MYO1G: variants seen among roughly 807,000 people sequenced by gnomAD.
The protein encoded by MYO1G is unconventional myosin-Ig.
In MYO1G, 65 loss-of-function variants were observed where a neutral mutation model predicts 115.3. The observed-to-expected ratio is 0.56, with a 90% CI of 0.46 to 0.69. The LOEUF is 0.69. Among genes scored for constraint, MYO1G ranks in the 30% least tolerant of loss-of-function variants. The pLI, the probability that MYO1G is intolerant of heterozygous loss-of-function variation, is 0.00. For synonymous variants in MYO1G, 510 were observed against 552.6 expected (o/e 0.92, Z 1.08); for missense variants, 1,204 against 1,393.5 (o/e 0.86, Z 2.16).
rs1222274484 is a variant in MYO1G at position 44,978,840 on chromosome 7, A to G, written c.95+27T>C. 2.5e-6 allele frequency: 4 copies of G among 1,597,036 alleles called. No individual in the cohort carries two copies. The South Asian group carries it at 4.4e-5, about 18-fold the overall frequency. ...AAGGTGGGAGACCCTGGAGGAGGGG[A>G]GCCACTGCCTCCTGCCCTGGGCCTA... On this transcript the variant is annotated intron_variant, in intron 1 of 21. Coordinates refer to ENST00000258787, the MANE Select transcript of MYO1G (RefSeq NM_033054.3).
rs1392886286 is a variant in MYO1G at position 44,964,331 on chromosome 7, C to G, written c.2631+84G>C. 3.5e-6 allele frequency: 5 copies of G among 1,442,576 alleles called. No individual in the cohort carries two copies. The highest frequency in any genetic ancestry group is 3.6e-4 in the Middle Eastern group (2 of 5,512). The allele number at this position is 1,442,576 out of a possible 1,614,324, so 89.4% of individuals were successfully genotyped here. On this transcript the variant is annotated intron_variant, in intron 19 of 21. Coordinates refer to ENST00000258787, the MANE Select transcript of MYO1G (RefSeq NM_033054.3). This position sits in a 1 kb window ranked among gnomAD's most constrained non-coding sequence, Gnocchi z 5.1. ...CTCCATTTTCTCCCAAGTGCCCCCC[C>G]AAAACTCTGCACCAGCTTCTAACCT...
chr7:44,975,792 G>A (rs1236027486), intron 3 of MYO1G, 143 bp from the exon 4 acceptor site: 1 of 932,870 alleles, frequency 1.1e-6, no homozygotes, highest in African/African-American at 1.7e-5. Context: ...CAATGGCCTG[G>A]CCTCGCCCAG....
Position 44,976,576 on chromosome 7 carries a change from G to A in MYO1G, c.386C>T (p.Ala129Val), listed in dbSNP as rs1795052803. 1 of 1,614,070 alleles carries A rather than the reference G, an allele frequency of 6.2e-7. No homozygotes were observed. The highest frequency in any genetic ancestry group is 1.1e-5 in the South Asian group (1 of 91,080). Residue 129 changes from alanine to valine, a missense_variant, in exon 3 of 22, where the codon GCT becomes GTT. Physicochemically the swap from Ala to Val is moderately conservative, Grantham distance 64 (BLOSUM62 0). Coordinates refer to ENST00000258787, the MANE Select transcript of MYO1G (RefSeq NM_033054.3). ...IAAVTNPSQR[A>V]EVERVKDVLL... ...CATTGCCACTCACCTCTCCACCTCA[G>A]CCCTCTGGCTTGGATTGGTGACAGC...
intron 17 of MYO1G, 137 bp downstream of exon 17, chr7:44,965,500 G>T: frequency 1.2e-6 from 1 of 803,998 alleles, no homozygotes; most frequent in Non-Finnish European, 2.0e-6. Context: ...GTCAGCTAAT[G>T]TGGCATAGCA....
intron 8 of MYO1G, 46 bp downstream of exon 8, chr7:44,970,789 A>C (rs941753545): frequency 1.9e-6 from 3 of 1,613,470 alleles, no homozygotes; most frequent in Non-Finnish European, 2.5e-6. Context: ...GGCCTCCCCC[A>C]TGAAGGCCTC....
At chr7:44,970,540 G>T in intron 9 of MYO1G, 52 bp downstream of exon 9, 1 of 1,608,118 alleles carries the variant, frequency 6.2e-7, no homozygotes, top group Non-Finnish European at 8.5e-7. Flanking sequence ...AGAACTAAGT[G>T]GGCAAAGCTG....
chr7:44,962,936 G>A lies in MYO1G; in HGVS notation c.2900+34C>T, dbSNP rs1450879121. The A allele has an allele frequency of 4.0e-6, 6 of 1,505,106 alleles. No homozygotes were observed. The East Asian group carries it at 1.3e-4, about 33-fold the overall frequency. 93.2% of individuals were successfully genotyped at this position (1,505,106 alleles called of 1,614,324 possible). A position where few individuals can be genotyped will look rare whatever the true frequency, so the allele number is the denominator to read the frequency against. ...GGGTCAGGGCGGCCACGCGGCCGGG[G>A]CTTCGTGCCCGCTACCGCCCAGCCT... On this transcript the variant is annotated intron_variant, in intron 21 of 21. Transcript: ENST00000258787. This position sits in a 1 kb window ranked among gnomAD's most constrained non-coding sequence, Gnocchi z 5.3.
chr7:44,970,470 C>T (rs567654709), intron 9 of MYO1G, 122 bp downstream of exon 9: 57 of 1,352,106 alleles, frequency 4.2e-5, no homozygotes, highest in Admixed American at 2.1e-5. Flanking sequence ...AGCCTTGGGC[C>T]CAGGGACCAG....
In MYO1G at chr7:44,966,333, A is replaced by G. The variant is rs1794843894; in HGVS notation, c.1950-53T>C. The G allele has an allele frequency of 1.3e-6, 2 of 1,490,474 alleles. No individual in the cohort carries two copies. The highest frequency in any genetic ancestry group is 1.2e-5 in the South Asian group (1 of 82,646). The allele number at this position is 1,490,474 out of a possible 1,614,324, so 92.3% of individuals were successfully genotyped here. On this transcript the variant is annotated intron_variant, in intron 15 of 21. Coordinates refer to ENST00000258787, the MANE Select transcript of MYO1G (RefSeq NM_033054.3). This position sits in a 1 kb window ranked among gnomAD's most constrained non-coding sequence, Gnocchi z 5.0. ...CCCAGGCCTGGGGGAGAGATGATGG[A>G]GCCCACCCTGCCCACCCCACACCTG...
At position 44,963,935 on chromosome 7, in the gene MYO1G, G is replaced by T; in HGVS notation, c.2745+114C>A. On this transcript the variant is annotated intron_variant, in intron 20 of 21. Coordinates refer to ENST00000258787, the MANE Select transcript of MYO1G (RefSeq NM_033054.3). The surrounding 1 kb of genome is among the most constrained non-coding windows in gnomAD (Gnocchi z 4.1). ...GGGTGCCACCATCGCTGAGTTTTAG[G>T]ATGGTCTGGGCCATCTCAGGTAAAC... 2.3e-6 allele frequency: 2 copies of T among 862,476 alleles called. No individual in the cohort carries two copies. Among genetic ancestry groups the T allele is most frequent in the Non-Finnish European group, 3.7e-6 (2 of 547,282 alleles). The allele number at this position is 862,476 out of a possible 1,614,324, so 53.4% of individuals were successfully genotyped here.
chr7:44,965,904 A>G, intron 16 of MYO1G, 44 bp from the exon 17 acceptor site: 3 of 1,585,062 alleles, frequency 1.9e-6, no homozygotes, highest in Non-Finnish European at 8.6e-7. Flanking sequence ...AAATTCAATC[A>G]GGCCCTAACC....
In MYO1G at chr7:44,962,930, G is replaced by A. The variant is rs1468847391; in HGVS notation, c.2901-35C>T. 1 of 1,502,494 alleles carries A rather than the reference G, an allele frequency of 6.7e-7. No individual in the cohort carries two copies. The highest frequency in any genetic ancestry group is 1.3e-5 in the South Asian group (1 of 79,128). The allele number at this position is 1,502,494 out of a possible 1,614,324, so 93.1% of individuals were successfully genotyped here. ...GAGGAGGGGTCAGGGCGGCCACGCG[G>A]CCGGGGCTTCGTGCCCGCTACCGCC... On this transcript the variant is annotated intron_variant, in intron 21 of 21. Coordinates refer to ENST00000258787, the MANE Select transcript of MYO1G (RefSeq NM_033054.3). The surrounding 1 kb of genome is among the most constrained non-coding windows in gnomAD (Gnocchi z 5.3).
chr7:44,971,997 C>T (rs563614371), intron 6 of MYO1G, 118 bp downstream of exon 6: 18 of 873,246 alleles, frequency 2.1e-5, no homozygotes, highest in Non-Finnish European at 3.2e-5. Flanking sequence ...GCACCCTCCC[C>T]ACTCACGCAA....
chr7:44,969,702 C>T lies in MYO1G; in HGVS notation c.1503+3G>A, dbSNP rs745447604. The T allele has an allele frequency of 1.6e-5, 25 of 1,610,946 alleles. No individual in the cohort carries two copies. Among genetic ancestry groups the T allele is most frequent in the Middle Eastern group, 4.3e-4 (2 of 4,704 alleles). On this transcript the variant is annotated splice_donor_region_variant and intron_variant, in intron 11 of 21. Transcript: ENST00000258787. The surrounding 1 kb of genome is among the most constrained non-coding windows in gnomAD (Gnocchi z 5.0). ...GTGGTGGCACTGGGACAGCCGGGGG[C>T]ACCTGGCGGCTGGTGTAGTGTAGGT...
At position 44,969,667 on chromosome 7, in the gene MYO1G, C is replaced by A. The variant is rs749057479; in HGVS notation, c.1503+38G>T. ...CATGGTGCCTGTGGGGCAGGTCCCACCAGCCCACTGTGGTGGCACTGGGAC... is the reference window on the plus strand; with the variant it reads ...CATGGTGCCTGTGGGGCAGGTCCCAACAGCCCACTGTGGTGGCACTGGGAC... On this transcript the variant is annotated intron_variant, in intron 11 of 21. Coordinates refer to ENST00000258787, the MANE Select transcript of MYO1G (RefSeq NM_033054.3). This position sits in a 1 kb window ranked among gnomAD's most constrained non-coding sequence, Gnocchi z 5.0. The A allele has an allele frequency of 1.9e-6, 3 of 1,607,272 alleles. No individual in the cohort carries two copies. Among genetic ancestry groups the A allele is most frequent in the Non-Finnish European group, 2.5e-6 (3 of 1,178,244 alleles).
At chr7:44,970,428 A>G (rs900501206) in intron 9 of MYO1G, among the ~76,000 whole-genome samples, 164 bp downstream of exon 9, 4 of 152,188 alleles carry the variant, frequency 2.6e-5, no homozygotes, top group African/African-American at 9.7e-5. Context: ...CAATGGTCAG[A>G]GGGTGCAGGT....
intron 5 of MYO1G, chr7:44,972,531 TC>T (rs1794978294): frequency 2.7e-6 from 1 of 376,602 alleles, no homozygotes; most frequent in Non-Finnish European, 5.1e-6. Flanking sequence ...CCCAGGGGGA[TC>T]CCACCTCAGT....
In MYO1G at chr7:44,970,078, G is replaced by A. The variant is rs1562830447; in HGVS notation, c.1294C>T (p.Gln432Ter). ...LFIQLILKQE[Q>*]EEYEREGITW... ...ATGCCCTCGCGCTCGTACTCTTCCT[G>A]TTCCTGCTTCAGGATGAGCTGGATG... The change falls in exon 10 of 22, where the codon CAG (glutamine) becomes TAG (stop). Residue 432 changes from glutamine (Q) to a stop codon, truncating the protein, a stop_gained. Transcript: ENST00000258787. LOFTEE classifies it high-confidence loss of function. 6.2e-7 allele frequency: 1 copy of A among 1,614,060 alleles called. No individual in the cohort carries two copies. The highest frequency in any genetic ancestry group is 8.5e-7 in the Non-Finnish European group (1 of 1,180,018).
rs150039567 is a variant in MYO1G, at chr7:44,967,734, C to T, written c.1653G>A (p.Thr551=). 483 of 1,613,412 alleles carry T rather than the reference C, an allele frequency of 3.0e-4. No individual in the cohort carries two copies. Among genetic ancestry groups the T allele is most frequent in the Non-Finnish European group, 3.6e-4 (420 of 1,179,958 alleles). ...QDFKRLLYNS[T]DPTLRAMWPD... ...GCCACATGGCCCGTAGAGTGGGGTC[C>T]GTGCTGCAGACACAGGCCGAATTCC... Residue 551 remains threonine (T), a synonymous_variant, in exon 14 of 22, where the codon ACG becomes ACA. Coordinates refer to ENST00000258787, the MANE Select transcript of MYO1G (RefSeq NM_033054.3).
Sources: gnomAD v4.1 joint callset for allele counts (sites outside exome capture counted in the v4.1 genomes callset) on GRCh38, gnomAD v4.1.1 for gene constraint, Gnocchi (gnomAD v3.1) non-coding constraint, MANE v1.5 for transcripts, NCBI Gene and HGNC (gene_info 2026-07-23, HGNC 2026-07-21) for gene names.